TRPA1: variants seen among roughly 807,000 people sequenced by gnomAD.
The protein encoded by TRPA1 is transient receptor potential cation channel subfamily A member 1.
A neutral mutation model predicts 131.3 loss-of-function variants in TRPA1; 129 were observed. That is an observed-to-expected ratio of 0.98 (90% CI 0.85 to 1.14). TRPA1 has a LOEUF of 1.14. Among genes scored for constraint, TRPA1 ranks in the 50% most tolerant of loss-of-function variants. The pLI is 0.00. For missense variants in TRPA1, 1,304 were observed against 1,354.2 expected, an observed-to-expected ratio of 0.96 and a Z score of 0.58; for synonymous variants, 441 against 451.7, an observed-to-expected ratio of 0.98 and a Z score of 0.30.
At chr8:72,052,483 A>G in intron 14 of TRPA1, 116 bp downstream of exon 14, 1 of 1,320,922 alleles carries the variant, frequency 7.6e-7, no homozygotes, top group Non-Finnish European at 1.1e-6. Flanking sequence ...AACAACTGAT[A>G]TTTTAAATTT....
rs1237736729 is a variant in TRPA1, at chr8:72,059,451, A to T, written c.945-13T>A. ...AAACAATGAAGCTCTGAAAAAACAG[A>T]ATTATAAACATTATAATTAAAGTAC... On this transcript the variant is annotated splice_polypyrimidine_tract_variant and intron_variant, in intron 7 of 26. Coordinates refer to ENST00000262209, the MANE Select transcript of TRPA1 (RefSeq NM_007332.3). The T allele has an allele frequency of 1.3e-6, 2 of 1,524,214 alleles. No homozygotes were observed. The highest frequency in any genetic ancestry group is 1.8e-6 in the Non-Finnish European group (2 of 1,107,444). The allele number at this position is 1,524,214 out of a possible 1,614,324, so 94.4% of individuals were successfully genotyped here.
chr8:72,079,405 C>G (rs922222869), upstream of TRPA1, among the ~76,000 whole-genome samples: 1 of 151,840 alleles, frequency 6.6e-6, no homozygotes, highest in Non-Finnish European at 1.5e-5. Flanking sequence ...GGGTAGAGGT[C>G]TAAGTTCATT....
the TRPA1 span, among the ~76,000 whole-genome samples, chr8:72,084,077 T>C: frequency 6.6e-6 from 1 of 152,222 alleles, no homozygotes; most frequent in Admixed American, 6.5e-5. Context: ...ACAGTCATTT[T>C]AAATTTTATT....
chr8:72,038,974 C>T lies in TRPA1; in HGVS notation c.2186G>A (p.Gly729Asp), dbSNP rs1812153357. 1.2e-6 allele frequency: 2 copies of T among 1,612,760 alleles called. No homozygotes were observed. The highest frequency in any genetic ancestry group is 1.3e-5 in the African/African-American group (1 of 74,778). ...AACGAGAATGGTCATAGGTATGAGA[C>T]CAAGACAGTAAGATCCTAAATTCAT... Reference protein sequence around the residue: ...HMMNLGSYCLGLIPMTILVVN... With the variant: ...HMMNLGSYCLDLIPMTILVVN... The change falls in exon 19 of 27, where the codon GGT becomes GAT. Residue 729 changes from glycine (G) to aspartate (D), a missense_variant. Physicochemically the swap from Gly to Asp is moderately conservative, Grantham distance 94. Transcript: ENST00000262209.
intron 15 of TRPA1, among the ~76,000 whole-genome samples, chr8:72,050,032 T>G (rs1368296908): frequency 6.6e-6 from 1 of 152,122 alleles, no homozygotes; most frequent in African/African-American, 2.4e-5. Flanking sequence ...CCATGTTGGT[T>G]TGCTGCACCC....
chr8:72,026,017 C>T lies in TRPA1; in HGVS notation c.2994G>A (p.Val998=), dbSNP rs763921153. 6.2e-7 allele frequency: 1 copy of T among 1,614,038 alleles called. No individual in the cohort carries two copies. Among genetic ancestry groups the T allele is most frequent in the Non-Finnish European group, 8.5e-7 (1 of 1,179,950 alleles). ...KKLPLWFLRK[V]DQKSTIVYPN... is the part of the protein sequence containing the mutation. ...GATACACGATGGTGGATTTCTGATC[C>T]ACTTTGCGTAGAAACCAAAGTGGCA... is the stretch of plus-strand genomic sequence containing the variant. Residue 998 remains valine (V), a synonymous_variant, in exon 25 of 27, where the codon GTG becomes GTA. Transcript: ENST00000262209.
intron 15 of TRPA1, among the ~76,000 whole-genome samples, chr8:72,047,980 G>T (rs1805389829): frequency 6.6e-6 from 1 of 151,848 alleles, no homozygotes; most frequent in Non-Finnish European, 1.5e-5. Flanking sequence ...CCCCAGTCTG[G>T]AGTAATGTGT....
At chr8:72,057,053 C>T in intron 9 of TRPA1, 36 bp from the exon 10 acceptor site, 2 of 1,478,592 alleles carry the variant, frequency 1.4e-6, no homozygotes, top group East Asian at 4.9e-5. Context: ...AAATTCTATT[C>T]ATTTATTTAA....
intron 14 of TRPA1, among the ~76,000 whole-genome samples, chr8:72,052,053 A>G (rs1563394830): frequency 6.6e-6 from 1 of 152,250 alleles, no homozygotes; most frequent in Non-Finnish European, 1.5e-5. Context: ...TGTGATTATC[A>G]TGCATTGCAT....
At chr8:72,089,813 G>A in the TRPA1 span, among the ~76,000 whole-genome samples, 1 of 151,912 alleles carries the variant, frequency 6.6e-6, no homozygotes, top group Non-Finnish European at 1.5e-5. Flanking sequence ...ATCCAAACTG[G>A]CATTCAGATG....
At position 72,043,942 on chromosome 8, in the gene TRPA1, C is replaced by A. The variant is rs150200539; in HGVS notation, c.2061+2571G>T. On this transcript the variant is annotated intron_variant, in intron 17 of 26. Coordinates refer to ENST00000262209, the MANE Select transcript of TRPA1 (RefSeq NM_007332.3). ...GTAGGTCTAAGATGGGCCTTAGGAACCTTCATTTTAACAAGAACCACAATA... is the reference window on the plus strand; with the variant it reads ...GTAGGTCTAAGATGGGCCTTAGGAAACTTCATTTTAACAAGAACCACAATA... 1.8e-3 allele frequency among the ~76,000 whole-genome samples: 270 copies of A among 151,826 alleles called. 2 individuals are homozygous for A. The highest frequency in any genetic ancestry group is 3.2e-3 in the Non-Finnish European group (220 of 67,790).
At chr8:72,044,859 C>T (rs574273225) in intron 17 of TRPA1, among the ~76,000 whole-genome samples, 74 of 152,086 alleles carry the variant, frequency 4.9e-4, no homozygotes, top group Middle Eastern at 3.4e-3. Context: ...ATATCTAGTA[C>T]ATTGCATTTA....
At chr8:72,062,177 G>C (rs1805825059) in intron 6 of TRPA1, 1 of 196,956 alleles carries the variant, frequency 5.1e-6, no homozygotes. Context: ...TTAAAAGGCA[G>C]TGTTAGCTTT....
At chr8:72,066,816 G>T (rs1215679240) in intron 3 of TRPA1, among the ~76,000 whole-genome samples, 2 of 152,148 alleles carry the variant, frequency 1.3e-5, no homozygotes, top group Non-Finnish European at 2.9e-5. Context: ...GTTATATGTG[G>T]CAGGGATCCC....
chr8:72,069,912 T>C (rs1318012554), intron 2 of TRPA1, among the ~76,000 whole-genome samples: 2 of 152,104 alleles, frequency 1.3e-5, no homozygotes, highest in Non-Finnish European at 2.9e-5. Context: ...CCTGTAGCAA[T>C]GATTCAAAAA....
Position 72,025,969 on chromosome 8 carries a change from C to A in TRPA1, c.3042G>T (p.Gly1014=), listed in dbSNP as rs1198519231. 1 of 1,613,340 alleles carries A rather than the reference C, an allele frequency of 6.2e-7. No individual in the cohort carries two copies. Among genetic ancestry groups the A allele is most frequent in the East Asian group, 2.2e-5 (1 of 44,888 alleles). Residue 1014 remains glycine, a synonymous_variant, in exon 25 of 27, where the codon GGG becomes GGT. Coordinates refer to ENST00000262209, the MANE Select transcript of TRPA1 (RefSeq NM_007332.3). ...TGTTATGTGTACTTACGAATAACATCCCACCAGATCTGGGTTTGTTGGGAT... is the reference window on the plus strand; with the variant it reads ...TGTTATGTGTACTTACGAATAACATACCACCAGATCTGGGTTTGTTGGGAT... ...IVYPNKPRSG[G]MLFHIFCFLF...
rs1805586743 is a variant in TRPA1 at position 72,053,733 on chromosome 8, A to C, written c.1644+20T>G. The C allele has an allele frequency of 1.9e-6, 3 of 1,579,214 alleles. No individual in the cohort carries two copies. The highest frequency in any genetic ancestry group is 2.6e-6 in the Non-Finnish European group (3 of 1,150,796). ...TGCTATATTGAGATTTTGGGTAAGCATGAGGACCGCAGTACATACCCCGTC... is the reference window on the plus strand; with the variant it reads ...TGCTATATTGAGATTTTGGGTAAGCCTGAGGACCGCAGTACATACCCCGTC... On this transcript the variant is annotated intron_variant, in intron 13 of 26. Coordinates refer to ENST00000262209, the MANE Select transcript of TRPA1 (RefSeq NM_007332.3).
chr8:72,054,405 G>T (rs553025436), intron 12 of TRPA1: 5 of 153,522 alleles, frequency 3.3e-5, no homozygotes, highest in African/African-American at 9.7e-5. Flanking sequence ...TCTGAAAAAT[G>T]CTTACTCAAT....
At position 72,039,779 on chromosome 8, in the gene TRPA1, G is replaced by A. The variant is rs142431502; in HGVS notation, c.2080C>T (p.Arg694Cys). 122 of 1,608,530 alleles carry A rather than the reference G, an allele frequency of 7.6e-5. No individual in the cohort carries two copies. Among genetic ancestry groups the A allele is most frequent in the Middle Eastern group, 4.9e-4 (3 of 6,062 alleles). The change falls in exon 18 of 27, where the codon CGC becomes TGC. Residue 694 changes from arginine to cysteine, a missense_variant. Arg to Cys is a radical substitution (Grantham distance 180). Transcript: ENST00000262209. Reference sequence around the variant, plus strand: ...ACAGGATGATTGAGAAGCTCTATGCGGTTATTTTGTACCATTGCCTGAGAA... The same window carrying A: ...ACAGGATGATTGAGAAGCTCTATGCAGTTATTTTGTACCATTGCCTGAGAA... ...TALNAMVQNN[R>C]IELLNHPVCK...
Sources: gnomAD v4.1 joint callset for allele counts (sites outside exome capture counted in the v4.1 genomes callset) on GRCh38, gnomAD v4.1.1 for gene constraint, MANE v1.5 for transcripts, NCBI Gene and HGNC (gene_info 2026-07-23, HGNC 2026-07-21) for gene names.